GRIN2D: variants seen among roughly 807,000 people sequenced by gnomAD.
The protein encoded by GRIN2D is glutamate ionotropic receptor NMDA type subunit 2D, also known as glutamate receptor ionotropic, NMDA 2D.
A neutral mutation model predicts 103.2 loss-of-function variants in GRIN2D; 37 were observed. That is an observed-to-expected ratio of 0.36 (90% confidence interval 0.28 to 0.47). GRIN2D has a LOEUF of 0.47. Among genes scored for constraint, GRIN2D ranks in the 20% least tolerant of loss-of-function variants. GRIN2D has a pLI of 1.00. For synonymous variants in GRIN2D, 845 were observed against 885.6 expected (o/e 0.95, Z 0.81); for missense variants, 1,557 against 1,910.6 (o/e 0.81, Z 3.45).
chr19:48,415,037 G>A lies in GRIN2D; in HGVS notation c.1581+5G>A. 6.4e-7 allele frequency: 1 copy of A among 1,571,236 alleles called. No homozygotes were observed. Among genetic ancestry groups the A allele is most frequent in the Non-Finnish European group, 8.7e-7 (1 of 1,154,662 alleles). On this transcript the variant is annotated splice_donor_5th_base_variant and intron_variant, in intron 7 of 13. Coordinates refer to ENST00000263269, the MANE Select transcript of GRIN2D (RefSeq NM_000836.4). ...TGGAACGGCATGATCGGGGAGGTGAGGGGGCGGACGGGAGGCGGGGAATCT... is the reference window on the plus strand; with the variant it reads ...TGGAACGGCATGATCGGGGAGGTGAAGGGGCGGACGGGAGGCGGGGAATCT...
intron 8 of GRIN2D, among the ~76,000 whole-genome samples, chr19:48,416,988 G>A (rs1450113682): frequency 6.6e-6 from 1 of 152,180 alleles, no homozygotes; most frequent in African/African-American, 2.4e-5. Flanking sequence ...CAGGTGATCT[G>A]CCCACCTCAG....
At position 48,405,140 on chromosome 19, in the gene GRIN2D, C is replaced by T; in HGVS notation, c.872C>T (p.Pro291Leu). Residue 291 changes from proline to leucine, a missense_variant, in exon 4 of 14, where the codon CCC becomes CTC. Around this residue, in one of 7 missense-constraint regions of GRIN2D, gnomAD observed 490 missense variants for 601.1 expected, o/e 0.82. Transcript: ENST00000263269. The surrounding 1 kb of genome is among the most constrained non-coding windows in gnomAD (Gnocchi z 5.1). The stretch of plus-strand genomic sequence containing the variant: ...GGGGGCTCTGGGGCCCCTGGTGAGC[C>T]CCCTCTTCTGCCAGGAGGCGCCCCC... ...GGGGSGAPGEPPLLPGGAPLP... is the reference protein window; with the variant it reads ...GGGGSGAPGELPLLPGGAPLP... 6.4e-7 allele frequency: 1 copy of T among 1,574,280 alleles called. No individual in the cohort carries two copies. Among genetic ancestry groups the T allele is most frequent in the Non-Finnish European group, 8.6e-7 (1 of 1,160,964 alleles).
chr19:48,398,926 A>G, intron 3 of GRIN2D, 69 bp downstream of exon 3: 1 of 1,150,150 alleles, frequency 8.7e-7, no homozygotes, highest in East Asian at 3.5e-5. Context: ...CGGGACTGGG[A>G]CAGCCAGCGG....
rs1971302113 is a variant in GRIN2D at position 48,442,098 on chromosome 19, A to G, written c.2441-52A>G. The G allele has an allele frequency of 6.4e-7, 1 of 1,557,964 alleles. No homozygotes were observed. Among genetic ancestry groups the G allele is most frequent in the African/African-American group, 1.4e-5 (1 of 74,024 alleles). On this transcript the variant is annotated intron_variant, in intron 12 of 13. Transcript: ENST00000263269. This position sits in a 1 kb window ranked among gnomAD's most constrained non-coding sequence, Gnocchi z 7.2. ...GGCCTACATTCCCACATCACAGACA[A>G]GGGTCCTCAGAGGGTACTCATAGCA...
chr19:48,439,862 G>A (rs900238681), intron 11 of GRIN2D, among the ~76,000 whole-genome samples: 1 of 152,350 alleles, frequency 6.6e-6, no homozygotes, highest in Admixed American at 6.5e-5. Flanking sequence ...AGAATCGTTT[G>A]ATCCGGGGAG....
intron 8 of GRIN2D, 145 bp from the exon 9 acceptor site, chr19:48,419,089 G>A (rs1397773192): frequency 9.1e-6 from 5 of 551,632 alleles, no homozygotes; most frequent in Non-Finnish European, 1.2e-5. Flanking sequence ...TTCAAGGCCA[G>A]TCTGGTCTTG....
chr19:48,401,770 C>A (rs1370932272), intron 3 of GRIN2D, among the ~76,000 whole-genome samples: 1 of 152,174 alleles, frequency 6.6e-6, no homozygotes, highest in East Asian at 1.9e-4. Flanking sequence ...ATCACTCTGG[C>A]TGCTGTTTGG....
Position 48,443,096 on chromosome 19 carries a change from C to T in GRIN2D, c.3170C>T (p.Ala1057Val). 9.8e-7 allele frequency: 1 copy of T among 1,025,640 alleles called. No individual in the cohort carries two copies. The highest frequency in any genetic ancestry group is 1.2e-6 in the Non-Finnish European group (1 of 854,008). The allele number at this position is 1,025,640 out of a possible 1,614,324, so 63.5% of individuals were successfully genotyped here. The change falls in exon 14 of 14, where the codon GCG becomes GTG. Residue 1057 changes from alanine to valine, a missense_variant. Transcript: ENST00000263269. This position sits in a 1 kb window ranked among gnomAD's most constrained non-coding sequence, Gnocchi z 8.9. ...RLAFEDESPP[A>V]PARWPRSDPE... ...GCCTTCGAGGACGAGAGCCCGCCGG[C>T]GCCCGCGCGGTGGCCGCGCTCGGAC...
rs112408161 is a variant in GRIN2D at position 48,428,340 on chromosome 19, C to T, written c.2252+6395C>T. Among the ~76,000 whole-genome samples, 713 of 148,192 alleles carry T rather than the reference C, an allele frequency of 4.8e-3. 6 individuals carry two copies. Among genetic ancestry groups the T allele is most frequent in the African/African-American group, 0.016 (652 of 40,324 alleles). The stretch of plus-strand genomic sequence containing the variant: ...GTGTGAACCACCGAACCCAGTCAAG[C>T]TCCCCCCTCCCCCTCCCCGCTTTTT... On this transcript the variant is annotated intron_variant, in intron 11 of 13. Transcript: ENST00000263269.
chr19:48,399,191 G>A lies in GRIN2D; in HGVS notation c.465+334G>A, dbSNP rs537117995. On this transcript the variant is annotated intron_variant, in intron 3 of 13. Coordinates refer to ENST00000263269, the MANE Select transcript of GRIN2D (RefSeq NM_000836.4). Reference sequence around the variant, plus strand: ...CGAGTCGAGGGAAGGGTTAGGGGCTGGGAACGAAAAGGGACTAGCCCCAAA... The same window carrying A: ...CGAGTCGAGGGAAGGGTTAGGGGCTAGGAACGAAAAGGGACTAGCCCCAAA... Among the ~76,000 whole-genome samples, 43 of 152,270 alleles carry A rather than the reference G, an allele frequency of 2.8e-4. 1 individual carries two copies. Among genetic ancestry groups the A allele is most frequent in the African/African-American group, 9.9e-4 (41 of 41,556 alleles).
rs922779911 is a variant in GRIN2D, at chr19:48,421,723, G to T, written c.2092-62G>T. ...CAGATAGCGGGTGTGTCTCAGAATG[G>T]GTGATTTATGTTAGGGATGTCCCTG... On this transcript the variant is annotated intron_variant, in intron 10 of 13. Transcript: ENST00000263269. This position sits in a 1 kb window ranked among gnomAD's most constrained non-coding sequence, Gnocchi z 4.8. 2 of 1,410,708 alleles carry T rather than the reference G, an allele frequency of 1.4e-6. No individual in the cohort carries two copies. Among genetic ancestry groups the T allele is most frequent in the Non-Finnish European group, 2.0e-6 (2 of 1,007,400 alleles). The allele number at this position is 1,410,708 out of a possible 1,614,324, so 87.4% of individuals were successfully genotyped here. A position where few individuals can be genotyped will look rare whatever the true frequency, so the allele number is the denominator to read the frequency against.
chr19:48,436,846 G>T (rs1228485188), intron 11 of GRIN2D, among the ~76,000 whole-genome samples: 10 of 152,142 alleles, frequency 6.6e-5, no homozygotes, highest in Non-Finnish European at 1.3e-4. Context: ...CAGAGTGAGG[G>T]GGGGCTTGGG....
At chr19:48,401,453 C>T (rs1197832445) in intron 3 of GRIN2D, among the ~76,000 whole-genome samples, 2 of 152,104 alleles carry the variant, frequency 1.3e-5, no homozygotes, top group Non-Finnish European at 2.9e-5. Context: ...GACACCTGAG[C>T]TGGAGGTGTC....
intron 3 of GRIN2D, among the ~76,000 whole-genome samples, chr19:48,403,018 G>A (rs966853318): frequency 6.6e-6 from 1 of 151,886 alleles, no homozygotes; most frequent in Admixed American, 6.6e-5. Flanking sequence ...GGCCAACATG[G>A]TGAAACCCTG....
chr19:48,408,859 G>A (rs1970822126), intron 4 of GRIN2D, among the ~76,000 whole-genome samples: 1 of 151,656 alleles, frequency 6.6e-6, no homozygotes, highest in Admixed American at 6.6e-5. Context: ...AATGGATAAA[G>A]CGAAGGAGCC....
In GRIN2D at chr19:48,443,653, CCCG is replaced by C. The variant is rs770358301; in HGVS notation, c.3738_3740del (p.Ala1247del). 2.5e-4 allele frequency: 280 copies of C among 1,123,028 alleles called. No homozygotes were observed. Among genetic ancestry groups the C allele is most frequent in the South Asian group, 1.9e-3 (53 of 27,852 alleles). 69.6% of individuals were successfully genotyped at this position (1,123,028 alleles called of 1,614,324 possible). On this transcript the variant is annotated inframe_deletion, in exon 14 of 14. Coordinates refer to ENST00000263269, the MANE Select transcript of GRIN2D (RefSeq NM_000836.4). The surrounding 1 kb of genome is among the most constrained non-coding windows in gnomAD (Gnocchi z 8.9). ...CCGCCCGCGGGCCTCGCACCGCACG[CCCG>C]CCGCCGCCGCGCCCCACCACCACAG...
At chr19:48,396,854 C>G (rs1158985606) in intron 2 of GRIN2D, among the ~76,000 whole-genome samples, 1 of 151,998 alleles carries the variant, frequency 6.6e-6, no homozygotes, top group Non-Finnish European at 1.5e-5. Context: ...CAGGAGAGAA[C>G]CCTTCCTTGT....
In GRIN2D at chr19:48,398,409, G is replaced by A; in HGVS notation, c.17G>A (p.Gly6Asp). The A allele has an allele frequency of 8.9e-7, 1 of 1,118,230 alleles. No individual in the cohort carries two copies. The highest frequency in any genetic ancestry group is 1.1e-6 in the Non-Finnish European group (1 of 916,192). 69.3% of individuals were successfully genotyped at this position (1,118,230 alleles called of 1,614,324 possible). A position where few individuals can be genotyped will look rare whatever the true frequency, so the allele number is the denominator to read the frequency against. MRGAG[G>D]PRGPRGPAKM... ...CCGCAGGCGATGCGCGGCGCCGGTG[G>A]CCCCCGCGGCCCTCGGGGCCCCGCT... The change falls in exon 3 of 14, where the codon GGC becomes GAC. Residue 6 changes from glycine to aspartate, a missense_variant. Gly to Asp is a moderately conservative substitution (Grantham distance 94, BLOSUM62 -1). Around this residue, in one of 7 missense-constraint regions of GRIN2D, gnomAD observed 490 missense variants for 601.1 expected, o/e 0.82. Coordinates refer to ENST00000263269, the MANE Select transcript of GRIN2D (RefSeq NM_000836.4).
intron 4 of GRIN2D, among the ~76,000 whole-genome samples, chr19:48,407,488 T>G (rs974809179): frequency 1.3e-5 from 2 of 152,168 alleles, no homozygotes; most frequent in Non-Finnish European, 2.9e-5. Context: ...AGAGGAAATG[T>G]ATTAGCCTCA....
Sources: gnomAD v4.1 joint callset for allele counts (sites outside exome capture counted in the v4.1 genomes callset) on GRCh38, gnomAD v4.1.1 for gene constraint, gnomAD v4.1.1 regional missense constraint, Gnocchi (gnomAD v3.1) non-coding constraint, MANE v1.5 for transcripts, NCBI Gene and HGNC (gene_info 2026-07-23, HGNC 2026-07-21) for gene names.